The following ACSM2B variants were observed in gnomAD, a reference collection of about 807,000 sequenced individuals.
ACSM2B encodes acyl-CoA synthetase medium chain family member 2B, also known as acyl-coenzyme A synthetase ACSM2B, mitochondrial.
Under a neutral mutation model 78.6 loss-of-function variants are expected in ACSM2B, and 58 were observed. The ratio of observed to expected loss-of-function variants is 0.74; its 90% CI spans 0.60 to 0.92. ACSM2B has a LOEUF of 0.92. Ranked by LOEUF, ACSM2B falls within the 40% of genes least tolerant of loss-of-function variation. The probability of loss-of-function intolerance (pLI) is 0.00; values close to 1 mark genes in which losing one functional copy is unlikely to be tolerated. For missense variants in ACSM2B, 688 were observed against 711.2 expected, an observed-to-expected ratio of 0.97 and a Z score of 0.37; for synonymous variants, 257 against 256.8, an observed-to-expected ratio of 1.00 and a Z score of -0.01.
chr16:20,572,053 T>G (rs1417068718), intron 1 of ACSM2B, among the ~76,000 whole-genome samples: 1 of 149,922 alleles, frequency 6.7e-6, no homozygotes, highest in Non-Finnish European at 1.5e-5. Flanking sequence ...AATGGAGTAC[T>G]TAGGCCATTT....
chr16:20,562,513 G>A (rs12927345), intron 2 of ACSM2B, among the ~76,000 whole-genome samples: 4 of 152,088 alleles, frequency 2.6e-5, no homozygotes, highest in Non-Finnish European at 5.9e-5. Context: ...TTGCTCATTC[G>A]TGGACATAGA....
At chr16:20,542,550 G>A (rs923666097) in intron 12 of ACSM2B, 16 of 251,970 alleles carry the variant, frequency 6.3e-5, no homozygotes, top group African/African-American at 1.1e-4. Context: ...GAATAGTGCT[G>A]CAATTAACAT....
chr16:20,538,892 A>C (rs926216222), intron 13 of ACSM2B, among the ~76,000 whole-genome samples: 1 of 152,026 alleles, frequency 6.6e-6, no homozygotes, highest in East Asian at 1.9e-4. Flanking sequence ...GTGGACTCTG[A>C]TATGCAGCTA....
chr16:20,574,433 G>C (rs1596744862), intron 1 of ACSM2B: 1 of 152,042 alleles, frequency 6.6e-6, no homozygotes, highest in Non-Finnish European at 1.5e-5. Context: ...TTAAAGTAAA[G>C]ATAGGCATAA....
chr16:20,560,300 G>T, intron 2 of ACSM2B, among the ~76,000 whole-genome samples: 1 of 151,818 alleles, frequency 6.6e-6, no homozygotes, highest in Non-Finnish European at 1.5e-5. Flanking sequence ...AATCCCCAAT[G>T]TCAGAGGTGG....
rs547591207 is a variant in ACSM2B, at chr16:20,546,166, T to C, written c.1179+228A>G. 9.8e-5 allele frequency among the ~76,000 whole-genome samples: 15 copies of C among 152,304 alleles called. No individual in the cohort carries two copies. In the East Asian group the frequency reaches 2.7e-3, roughly 27 times the overall value. The stretch of plus-strand genomic sequence containing the variant: ...TATACTGTCTAGCTAATTTGCTAGA[T>C]ATTCAAAGTGAGTCCTTCTGGATGG... On this transcript the variant is annotated intron_variant, in intron 9 of 13. Transcript: ENST00000329697.
rs2015275503 is a variant in ACSM2B, at chr16:20,550,425, C to A, written c.894+1719G>T. Reference sequence around the variant, plus strand: ...TATATTTCTCCTTAATTTCCTTAGTCTTTTCCACCCTACACCTCCAACCTA... The same window carrying A: ...TATATTTCTCCTTAATTTCCTTAGTATTTTCCACCCTACACCTCCAACCTA... On this transcript the variant is annotated intron_variant, in intron 6 of 13. Transcript: ENST00000329697. Among the ~76,000 whole-genome samples, 4 of 152,246 alleles carry A rather than the reference C, an allele frequency of 2.6e-5. No individual in the cohort carries two copies. In the South Asian group the frequency reaches 8.3e-4, roughly 32 times the overall value.
At chr16:20,570,206 T>C (rs1465749585) in intron 1 of ACSM2B, among the ~76,000 whole-genome samples, 1 of 151,988 alleles carries the variant, frequency 6.6e-6, no homozygotes, top group Non-Finnish European at 1.5e-5. Context: ...TTGTCATAGA[T>C]GGCTTTTATT....
At chr16:20,567,536 A>G (rs1441690353) in intron 1 of ACSM2B, among the ~76,000 whole-genome samples, 1 of 131,252 alleles carries the variant, frequency 7.6e-6, no homozygotes, top group Non-Finnish European at 1.6e-5. Flanking sequence ...TATAAATAGT[A>G]TATAATATAT....
chr16:20,558,971 G>T (rs2015558320), intron 3 of ACSM2B, among the ~76,000 whole-genome samples: 1 of 152,156 alleles, frequency 6.6e-6, no homozygotes. Context: ...ATACTTACAT[G>T]TGCAATTAAT....
intron 1 of ACSM2B, among the ~76,000 whole-genome samples, chr16:20,568,691 G>A (rs1196887377): frequency 6.6e-6 from 1 of 151,624 alleles, no homozygotes; most frequent in Non-Finnish European, 1.5e-5. Context: ...CGGCAGTGTA[G>A]AAGTGTTCCC....
intron 1 of ACSM2B, among the ~76,000 whole-genome samples, chr16:20,567,760 G>A (rs1383848944): frequency 7.3e-6 from 1 of 137,916 alleles, no homozygotes; most frequent in East Asian, 2.0e-4. Flanking sequence ...ATAGTATAGT[G>A]TATATACAGA....
intron 2 of ACSM2B, among the ~76,000 whole-genome samples, chr16:20,564,158 A>T (rs1021861177): frequency 9.9e-5 from 15 of 152,250 alleles, no homozygotes; most frequent in Non-Finnish European, 1.9e-4. Flanking sequence ...CGGTGGTGTG[A>T]TCACAGTTCA....
At chr16:20,540,870 T>C (rs2014970034) in intron 12 of ACSM2B, 97 bp from the exon 13 acceptor site, 1 of 1,502,240 alleles carries the variant, frequency 6.7e-7, no homozygotes, top group Non-Finnish European at 9.0e-7. Context: ...ATCACCCTTG[T>C]ATCTACTCAT....
In ACSM2B at chr16:20,566,654, A is replaced by AC. The variant is rs373360888; in HGVS notation, c.-8-1802_-8-1801insG. On this transcript the variant is annotated intron_variant, in intron 1 of 13. Coordinates refer to ENST00000329697, the MANE Select transcript of ACSM2B (RefSeq NM_001105069.2). ...ATATAGTATATATATACTATACTATATATATGTATATATAGTATATACATA... is the reference window on the plus strand; with the variant it reads ...ATATAGTATATATATACTATACTATACTATATGTATATATAGTATATACATA... Among the ~76,000 whole-genome samples the AC allele has an allele frequency of 6.6e-3, 268 of 40,466 alleles. 27 individuals carry two copies. In the East Asian group the frequency reaches 0.17, roughly 25 times the overall value. The allele number at this position is 40,466 out of a possible 152,430, so 26.5% of individuals were successfully genotyped here.
chr16:20,563,894 T>C (rs1348629630), intron 2 of ACSM2B, among the ~76,000 whole-genome samples: 3 of 151,926 alleles, frequency 2.0e-5, no homozygotes, highest in African/African-American at 7.3e-5. Context: ...GTGAAGGCAA[T>C]TGATGGATCA....
chr16:20,556,216 A>G (rs2015469490), intron 3 of ACSM2B, among the ~76,000 whole-genome samples: 1 of 152,078 alleles, frequency 6.6e-6, no homozygotes, highest in Non-Finnish European at 1.5e-5. Flanking sequence ...TTCCTTGCAC[A>G]GATATATCCC....
intron 12 of ACSM2B, 120 bp downstream of exon 12, chr16:20,542,794 T>A: frequency 7.6e-7 from 1 of 1,310,206 alleles, no homozygotes; most frequent in Non-Finnish European, 1.0e-6. Context: ...AGCTAGTAAG[T>A]GGCAGGGCCA....
Position 20,555,265 on chromosome 16 carries a change from T to G in ACSM2B, c.596+4A>C. On this transcript the variant is annotated splice_donor_region_variant and intron_variant, in intron 4 of 13. Transcript: ENST00000329697. The stretch of plus-strand genomic sequence containing the variant: ...AACCCAGGATGAGACATGTAGATAC[T>G]CACTTTAGTAGTTTCTTGAAGTTCA... 6.2e-7 allele frequency: 1 copy of G among 1,613,948 alleles called. No homozygotes were observed. Among genetic ancestry groups the G allele is most frequent in the Non-Finnish European group, 8.5e-7 (1 of 1,179,848 alleles).
Sources: allele counts gnomAD v4.1 joint callset (sites outside exome capture counted in the v4.1 genomes callset), GRCh38; gene constraint gnomAD v4.1.1; transcripts MANE v1.5; gene names NCBI Gene and HGNC (gene_info 2026-07-23, HGNC 2026-07-21).